Variants in MAGI2 observed in about 807,000 individuals in gnomAD.
MAGI2 encodes membrane-associated guanylate kinase, WW and PDZ domain-containing protein 2.
In MAGI2, 35 loss-of-function variants were observed where a neutral mutation model predicts 133.3. That is an observed-to-expected ratio of 0.26 (90% CI 0.20 to 0.35). The LOEUF is 0.35. MAGI2 is among the 10% of genes least tolerant of loss of function. The probability of loss-of-function intolerance (pLI) is 1.00; values close to 1 mark genes in which losing one functional copy is unlikely to be tolerated. For missense variants in MAGI2, 1,636 were observed against 1,863.4 expected, an observed-to-expected ratio of 0.88 and a Z score of 2.25; for synonymous variants, 729 against 710.6, an observed-to-expected ratio of 1.03 and a Z score of -0.41.
intron 9 of MAGI2, among the ~76,000 whole-genome samples, chr7:78,319,831 A>T (rs968292152): frequency 6.6e-6 from 1 of 152,188 alleles, no homozygotes; most frequent in Non-Finnish European, 1.5e-5. Context: ...AATATCAGTG[A>T]ATCCAGGAGC....
At chr7:78,042,941 C>T (rs536350882) in intron 21 of MAGI2, among the ~76,000 whole-genome samples, 8 of 152,306 alleles carry the variant, frequency 5.3e-5, no homozygotes, top group Middle Eastern at 3.4e-3. Flanking sequence ...CCGGGATACA[C>T]CAACATCCCC....
At chr7:78,511,710 A>G (rs1218901129) in intron 4 of MAGI2, among the ~76,000 whole-genome samples, 1 of 151,158 alleles carries the variant, frequency 6.6e-6, no homozygotes, top group Non-Finnish European at 1.5e-5. Flanking sequence ...AGATTTTTCT[A>G]TGCAAATTGA....
intron 2 of MAGI2, among the ~76,000 whole-genome samples, chr7:78,644,449 T>C (rs1234954779): frequency 1.3e-5 from 2 of 152,226 alleles, no homozygotes; most frequent in Admixed American, 6.5e-5. Flanking sequence ...AGACACATCA[T>C]AAAAATGATG....
intron 2 of MAGI2, among the ~76,000 whole-genome samples, chr7:78,857,847 C>A (rs915359222): frequency 6.6e-6 from 1 of 152,130 alleles, no homozygotes; most frequent in Non-Finnish European, 1.5e-5. Flanking sequence ...CCTCTTTGTA[C>A]CTCTGGTAGA....
intron 20 of MAGI2, among the ~76,000 whole-genome samples, chr7:78,099,172 TA>T (rs1347065247): frequency 1.3e-5 from 2 of 152,208 alleles, no homozygotes; most frequent in African/African-American, 4.8e-5. Flanking sequence ...ATTTTAATTG[TA>T]ATTTGCAGAC....
intron 6 of MAGI2, among the ~76,000 whole-genome samples, chr7:78,410,304 G>A (rs1797757261): frequency 6.6e-6 from 1 of 152,042 alleles, no homozygotes. Context: ...CTATAGTAAA[G>A]TTATGAATAT....
chr7:78,493,706 C>T (rs539562288), intron 5 of MAGI2, among the ~76,000 whole-genome samples: 3 of 152,126 alleles, frequency 2.0e-5, no homozygotes, highest in Non-Finnish European at 2.9e-5. Flanking sequence ...CTTCATTTCA[C>T]TCCCTGGAAT....
chr7:78,679,037 T>C (rs73380245), intron 2 of MAGI2, among the ~76,000 whole-genome samples: 3 of 152,164 alleles, frequency 2.0e-5, no homozygotes, highest in Admixed American at 1.3e-4. Context: ...ATTTCATTCA[T>C]TCCTGCTTAA....
Position 79,025,893 on chromosome 7 carries a change from G to A in MAGI2, c.302-18687C>T, listed in dbSNP as rs1809835345. ...CCAAGTGGCTATAAAAGAAGTATAT[G>A]AGGAAGTAGTATCAAGCAGGAAGTA... On this transcript the variant is annotated intron_variant, in intron 1 of 21. Coordinates refer to ENST00000354212, the MANE Select transcript of MAGI2 (RefSeq NM_012301.4). 2.0e-5 allele frequency among the ~76,000 whole-genome samples: 3 copies of A among 152,200 alleles called. No homozygotes were observed. In the South Asian group the frequency reaches 6.2e-4, roughly 32 times the overall value.
intron 16 of MAGI2, among the ~76,000 whole-genome samples, chr7:78,148,861 G>T (rs1823579413): frequency 6.6e-6 from 1 of 152,106 alleles, no homozygotes; most frequent in African/African-American, 2.4e-5. Context: ...CTATGCTAGG[G>T]GTTTGGAATT....
At chr7:78,850,699 CTTTGCTTTG>C (rs1793057653) in intron 2 of MAGI2, among the ~76,000 whole-genome samples, 1 of 152,064 alleles carries the variant, frequency 6.6e-6, no homozygotes, top group Non-Finnish European at 1.5e-5. Context: ...GAAAGCAGGA[CTTTGCTTTG>C]AGGGAGTCCC....
At chr7:78,756,585 T>A (rs1359050212) in intron 2 of MAGI2, among the ~76,000 whole-genome samples, 1 of 152,128 alleles carries the variant, frequency 6.6e-6, no homozygotes, top group East Asian at 1.9e-4. Flanking sequence ...GGGTACTTTT[T>A]AAAATAAGAC....
chr7:79,122,212 T>C (rs553473869), intron 1 of MAGI2, among the ~76,000 whole-genome samples: 2 of 152,314 alleles, frequency 1.3e-5, no homozygotes, highest in African/African-American at 4.8e-5. Flanking sequence ...ACACAGAAGA[T>C]ACGTCTTCCT....
intron 10 of MAGI2, chr7:78,255,377 G>C (rs902396294): frequency 6.1e-6 from 1 of 164,930 alleles, no homozygotes; most frequent in Non-Finnish European, 1.3e-5. Context: ...AGTTCCTGTA[G>C]TAGCAGAAGT....
At chr7:78,298,291 T>C (rs1310119129) in intron 9 of MAGI2, among the ~76,000 whole-genome samples, 1 of 152,122 alleles carries the variant, frequency 6.6e-6, no homozygotes, top group African/African-American at 2.4e-5. Context: ...AAATGTAATG[T>C]GGTATCCTGG....
At chr7:79,343,705 T>G (rs1841084928) in intron 1 of MAGI2, among the ~76,000 whole-genome samples, 1 of 152,198 alleles carries the variant, frequency 6.6e-6, no homozygotes, top group East Asian at 1.9e-4. Flanking sequence ...AGGAATAGTT[T>G]CTTATGTAAC....
In MAGI2 at chr7:78,525,289, T is replaced by G. The variant is rs1001325192; in HGVS notation, c.539-3644A>C. 2.6e-5 allele frequency among the ~76,000 whole-genome samples: 4 copies of G among 152,128 alleles called. No homozygotes were observed. The East Asian group carries it at 7.7e-4, about 29-fold the overall frequency. ...CTCTTACTACACTTGACAAATGTAA[T>G]TCATAGAGAATAAGGTACCCTAAGC... On this transcript the variant is annotated intron_variant, in intron 3 of 21. Coordinates refer to ENST00000354212, the MANE Select transcript of MAGI2 (RefSeq NM_012301.4).
chr7:79,055,276 AG>A (rs1813047139), intron 1 of MAGI2, among the ~76,000 whole-genome samples: 1 of 133,008 alleles, frequency 7.5e-6, no homozygotes, highest in African/African-American at 3.4e-5. Flanking sequence ...AAACTTTGTA[AG>A]GGCATGCCTT....
At chr7:79,295,542 C>T (rs371900638) in intron 1 of MAGI2, among the ~76,000 whole-genome samples, 28 of 151,916 alleles carry the variant, frequency 1.8e-4, no homozygotes, top group Middle Eastern at 6.8e-3. Context: ...CCTTCAGGCA[C>T]GGTCGAGTCA....
Sources: gnomAD v4.1 joint callset for allele counts (sites outside exome capture counted in the v4.1 genomes callset) on GRCh38, gnomAD v4.1.1 for gene constraint, MANE v1.5 for transcripts, NCBI Gene and HGNC (gene_info 2026-07-23, HGNC 2026-07-21) for gene names.